Variants in SIL1 observed in about 807,000 individuals in gnomAD.
SIL1 encodes the protein SIL1 nucleotide exchange factor.
SIL1 carries 40 observed loss-of-function variants against 49.1 expected under a neutral mutation model. The observed-to-expected ratio is 0.81, with a 90% confidence interval of 0.63 to 1.06. The LOEUF is 1.06. SIL1 is among the 50% of genes least tolerant of loss of function. The pLI is 0.00. For synonymous variants in SIL1, 253 were observed against 250.8 expected (o/e 1.01, Z -0.08); for missense variants, 500 against 572.6 (o/e 0.87, Z 1.29).
At chr5:139,180,718 G>A (rs1751968673) in intron 1 of SIL1, among the ~76,000 whole-genome samples, 1 of 152,176 alleles carries the variant, frequency 6.6e-6, no homozygotes, top group Non-Finnish European at 1.5e-5. Flanking sequence ...AACCCAAAAT[G>A]AGACCACAGT....
chr5:139,056,433 G>A (rs1163636016), intron 3 of SIL1, among the ~76,000 whole-genome samples: 11 of 150,220 alleles, frequency 7.3e-5, no homozygotes, highest in South Asian at 4.3e-4. Flanking sequence ...CCCTCCGCCC[G>A]GCAGCCACCC....
chr5:139,098,425 C>A (rs1350344134), intron 3 of SIL1, among the ~76,000 whole-genome samples: 2 of 152,108 alleles, frequency 1.3e-5, no homozygotes, highest in African/African-American at 2.4e-5. Flanking sequence ...TATCTCTCAC[C>A]ATATACAAAA....
chr5:139,128,078 G>A (rs907389584), intron 1 of SIL1: 1 of 558,736 alleles, frequency 1.8e-6, no homozygotes, highest in African/African-American at 1.9e-5. Flanking sequence ...CAGTCGATCA[G>A]GACTCCTGCA....
chr5:139,056,666 G>T (rs1165942110), intron 3 of SIL1, among the ~76,000 whole-genome samples: 4 of 146,228 alleles, frequency 2.7e-5, no homozygotes, highest in African/African-American at 1.1e-4. Context: ...CCCCCCGCCT[G>T]GCCAGCCGCC....
intron 3 of SIL1, among the ~76,000 whole-genome samples, chr5:139,064,526 A>G (rs1561848462): frequency 6.6e-6 from 1 of 152,236 alleles, no homozygotes; most frequent in Non-Finnish European, 1.5e-5. Context: ...AGGCAACTTT[A>G]ACAAAACGAG....
intron 7 of SIL1, among the ~76,000 whole-genome samples, chr5:138,989,263 T>A (rs1767706493): frequency 6.6e-6 from 1 of 151,960 alleles, no homozygotes. Flanking sequence ...ATCTTATATA[T>A]CCCAGCCAGG....
intron 4 of SIL1, among the ~76,000 whole-genome samples, chr5:139,048,778 AAT>A (rs778133681): frequency 1.3e-5 from 2 of 152,234 alleles, no homozygotes; most frequent in Non-Finnish European, 2.9e-5. Flanking sequence ...GAGGCACTGA[AAT>A]ATGTGTGTAT....
At chr5:139,015,840 C>A (rs953105122) in intron 7 of SIL1, among the ~76,000 whole-genome samples, 29 of 152,162 alleles carry the variant, frequency 1.9e-4, no homozygotes, top group African/African-American at 7.0e-4. Context: ...TGCTTTAGAC[C>A]ATTCATAGCG....
At chr5:139,115,440 C>A (rs1330636034) in intron 3 of SIL1, among the ~76,000 whole-genome samples, 1 of 152,132 alleles carries the variant, frequency 6.6e-6, no homozygotes, top group East Asian at 1.9e-4. Context: ...GCCAGAAAGA[C>A]CAACCCAGGA....
At chr5:139,033,924 C>A (rs770760590) in intron 5 of SIL1, among the ~76,000 whole-genome samples, 3 of 152,170 alleles carry the variant, frequency 2.0e-5, no homozygotes, top group African/African-American at 4.8e-5. Flanking sequence ...ATGTTGAAAT[C>A]CCCAACTGTA....
intron 1 of SIL1, among the ~76,000 whole-genome samples, chr5:139,160,525 T>C (rs1036288343): frequency 4.6e-5 from 7 of 152,220 alleles, no homozygotes; most frequent in Non-Finnish European, 7.3e-5. Flanking sequence ...TGCTGGTGTA[T>C]AGCTGAAATT....
At position 138,947,061 on chromosome 5, in the gene SIL1, C is replaced by T. The variant is rs544999293; in HGVS notation, c.*56G>A. 8.2e-5 allele frequency: 116 copies of T among 1,418,428 alleles called. No individual in the cohort carries two copies. The highest frequency in any genetic ancestry group is 7.4e-4 in the African/African-American group (52 of 70,666). The allele number at this position is 1,418,428 out of a possible 1,614,324, so 87.9% of individuals were successfully genotyped here. A position where few individuals can be genotyped will look rare whatever the true frequency, so the allele number is the denominator to read the frequency against. ...TCCTCCTGCCTGAGAAGCCCACCCA[C>T]GCTGGCACCCCTCAGCCTCACTAGC... is the stretch of plus-strand genomic sequence containing the variant. On this transcript the variant is annotated 3_prime_UTR_variant, in exon 10 of 10. Coordinates refer to ENST00000394817, the MANE Select transcript of SIL1 (RefSeq NM_022464.5). This position sits in a 1 kb window ranked among gnomAD's most constrained non-coding sequence, Gnocchi z 4.1.
intron 1 of SIL1, among the ~76,000 whole-genome samples, chr5:139,181,560 C>T (rs1442155956): frequency 2.0e-5 from 3 of 152,254 alleles, no homozygotes; most frequent in East Asian, 1.9e-4. Flanking sequence ...AGTCATTCTG[C>T]CTGGTTCCCC....
intron 7 of SIL1, among the ~76,000 whole-genome samples, chr5:138,995,384 A>G (rs1014563125): frequency 6.6e-6 from 1 of 151,770 alleles, no homozygotes; most frequent in Non-Finnish European, 1.5e-5. Context: ...AGCTGGGATT[A>G]CAGGCATGCA....
intron 1 of SIL1, among the ~76,000 whole-genome samples, chr5:139,141,772 T>C (rs939251311): frequency 6.6e-5 from 10 of 152,234 alleles, no homozygotes; most frequent in Non-Finnish European, 1.5e-4. Context: ...TATGATCACA[T>C]GTGAACTTAG....
intron 5 of SIL1, among the ~76,000 whole-genome samples, chr5:139,038,804 T>A (rs1450523565): frequency 6.6e-6 from 1 of 152,170 alleles, no homozygotes; most frequent in Non-Finnish European, 1.5e-5. Context: ...TCTCACTTAT[T>A]CCACTGGCCC....
intron 7 of SIL1, among the ~76,000 whole-genome samples, chr5:139,009,763 TTTTC>T: frequency 6.9e-6 from 1 of 145,196 alleles, no homozygotes; most frequent in South Asian, 2.4e-4. Context: ...TTGAAAATTC[TTTTC>T]TTTAAGAATG....
chr5:139,026,495 C>G (rs114105318), intron 6 of SIL1, among the ~76,000 whole-genome samples: 3,569 of 152,106 alleles, frequency 0.023, 129 homozygotes, highest in African/African-American at 0.081. Context: ...CCCTGTTGCT[C>G]GGAAGGCTGA....
At chr5:138,973,144 G>A (rs548466201) in intron 7 of SIL1, among the ~76,000 whole-genome samples, 16 of 144,468 alleles carry the variant, frequency 1.1e-4, no homozygotes, top group Non-Finnish European at 1.7e-4. Context: ...TAAAGGTTGT[G>A]TAACATATGT....
Sources: allele counts gnomAD v4.1 joint callset (sites outside exome capture counted in the v4.1 genomes callset), GRCh38; gene constraint gnomAD v4.1.1; non-coding constraint Gnocchi (gnomAD v3.1); transcripts MANE v1.5; gene names NCBI Gene and HGNC (gene_info 2026-07-23, HGNC 2026-07-21).